PSMD6: variants seen among roughly 807,000 people sequenced by gnomAD.
The protein encoded by PSMD6 is 26S proteasome non-ATPase regulatory subunit 6.
Under a neutral mutation model 44.9 loss-of-function variants are expected in PSMD6, and 7 were observed. The observed-to-expected ratio is 0.16, with a 90% CI of 0.09 to 0.29. The LOEUF is 0.29. Among genes scored for constraint, PSMD6 ranks in the 10% least tolerant of loss-of-function variants. PSMD6 has a pLI of 1.00. For missense variants in PSMD6, 420 were observed against 482.6 expected (o/e 0.87, Z 1.21); for synonymous variants, 184 against 172.7 (o/e 1.07, Z -0.51).
At chr3:64,021,882 G>C (rs185304251) in intron 2 of PSMD6, among the ~76,000 whole-genome samples, 2 of 152,024 alleles carry the variant, frequency 1.3e-5, no homozygotes, top group Non-Finnish European at 2.9e-5. Context: ...CCTATCCCTG[G>C]GCAGGTACAG....
chr3:64,014,209 C>T (rs1237650280), intron 5 of PSMD6: 1 of 152,062 alleles, frequency 6.6e-6, no homozygotes, highest in Admixed American at 6.6e-5. Flanking sequence ...CCTTAGAAGA[C>T]AGTAAAATGT....
Position 64,018,600 on chromosome 3 carries a change from T to C in PSMD6, c.825A>G (p.Leu275=), listed in dbSNP as rs1273024451. 6 of 1,547,338 alleles carry C rather than the reference T, an allele frequency of 3.9e-6. No individual in the cohort carries two copies. The highest frequency in any genetic ancestry group is 1.4e-5 in the African/African-American group (1 of 73,220). Reference sequence around the variant, plus strand: ...CAAAAATATCAACCCTATCCTTACCTAATGATTGGAAGAAAACAGAGTAAC... The same window carrying C: ...CAAAAATATCAACCCTATCCTTACCCAATGATTGGAAGAAAACAGAGTAAC... ...ECRYSVFFQS[L]AVVEQEMKKD... Residue 275 remains leucine, a splice_region_variant and synonymous_variant, in exon 5 of 8, where the codon TTA becomes TTG. Coordinates refer to ENST00000295901, the MANE Select transcript of PSMD6 (RefSeq NM_014814.3).
At chr3:64,023,503 C>T (rs544719563), upstream of PSMD6, 155 of 1,440,480 alleles carry the variant, frequency 1.1e-4, 1 homozygote, top group African/African-American at 2.2e-3. Flanking sequence ...TCGGCGAATA[C>T]GCCCGGCCGC....
chr3:64,019,226 T>C, intron 3 of PSMD6, 70 bp downstream of exon 3: 1 of 1,501,368 alleles, frequency 6.7e-7, no homozygotes, highest in Middle Eastern at 1.8e-4. Flanking sequence ...AAACAGGCAG[T>C]TTCTTATATC....
chr3:64,022,891 G>A, intron 1 of PSMD6: 2 of 1,494,940 alleles, frequency 1.3e-6, no homozygotes, highest in Non-Finnish European at 1.8e-6. Context: ...AGAAAGAACC[G>A]AACCCAAATT....
At chr3:64,017,236 C>G (rs2076058854) in intron 5 of PSMD6, 1 of 152,122 alleles carries the variant, frequency 6.6e-6, no homozygotes, top group African/African-American at 2.4e-5. Context: ...ATTTGCAAAA[C>G]CTTGCCAATA....
Position 64,010,928 on chromosome 3 carries a change from C to T in PSMD6, c.1023G>A (p.Gly341=), listed in dbSNP as rs140256466. Reference sequence around the variant, plus strand: ...CTTTATCTATTTTGCAGTGTAGTCTCCCGGCAGCAATAAACCTGGACAGTT... The same window carrying T: ...CTTTATCTATTTTGCAGTGTAGTCTTCCGGCAGCAATAAACCTGGACAGTT... ...DQELSRFIAA[G]RLHCKIDKVN... Residue 341 remains glycine (G), a synonymous_variant, in exon 7 of 8, where the codon GGG becomes GGA. Coordinates refer to ENST00000295901, the MANE Select transcript of PSMD6 (RefSeq NM_014814.3). 87 of 1,609,362 alleles carry T rather than the reference C, an allele frequency of 5.4e-5. No homozygotes were observed. The highest frequency in any genetic ancestry group is 1.7e-4 in the Middle Eastern group (1 of 6,056).
At position 64,023,330 on chromosome 3, in the gene PSMD6, C is replaced by T; in HGVS notation, c.90G>A (p.Glu30=). 1 of 1,604,318 alleles carries T rather than the reference C, an allele frequency of 6.2e-7. No homozygotes were observed. The highest frequency in any genetic ancestry group is 8.5e-7 in the Non-Finnish European group (1 of 1,175,778). ...CGCGCACGGCAGCGTCTCCGCGGTGCTCGGGCAGGCTGAGCAGGAAGCGCA... is the reference window on the plus strand; with the variant it reads ...CGCGCACGGCAGCGTCTCCGCGGTGTTCGGGCAGGCTGAGCAGGAAGCGCA... ...AQLRFLLSLP[E]HRGDAAVRDE... Residue 30 remains glutamate (E), a synonymous_variant, in exon 1 of 8, where the codon GAG becomes GAA. Transcript: ENST00000295901.
At chr3:64,014,101 A>ATAGTC (rs1270795548) in intron 5 of PSMD6, 1 of 152,432 alleles carries the variant, frequency 6.6e-6, no homozygotes, top group Non-Finnish European at 1.5e-5. Flanking sequence ...GTTCACGTAA[A>ATAGTC]TAGTCTACGT....
chr3:64,013,559 T>C lies in PSMD6; in HGVS notation c.875A>G (p.Tyr292Cys), dbSNP rs781070196. 6.2e-7 allele frequency: 1 copy of C among 1,612,458 alleles called. No individual in the cohort carries two copies. Among genetic ancestry groups the C allele is most frequent in the Non-Finnish European group, 8.5e-7 (1 of 1,179,454 alleles). Residue 292 changes from tyrosine to cysteine, a missense_variant, in exon 6 of 8, where the codon TAT becomes TGT. Transcript: ENST00000295901. ...MKKDWLFAPH[Y>C]RYYVREMRIH... ...TCTCATTTCTCTTACATAGTATCGA[T>C]AATGAGGGGCAAAAAGCCAGTCCTT...
chr3:64,016,168 C>CA (rs1419815884), intron 5 of PSMD6: 3 of 151,978 alleles, frequency 2.0e-5, no homozygotes, highest in African/African-American at 7.3e-5. Context: ...GCCTGGGCGA[C>CA]AGAGTGAGAC....
rs2075926945 is a variant in PSMD6, at chr3:64,010,859, T to G, written c.1073+19A>C. 1.9e-6 allele frequency: 3 copies of G among 1,593,374 alleles called. No homozygotes were observed. The highest frequency in any genetic ancestry group is 2.6e-6 in the Non-Finnish European group (3 of 1,163,650). ...TTTTAAAATTTAGGAATGCCCCTTA[T>G]TCTGAGAAATGAGAGTACCTGTTGG... On this transcript the variant is annotated intron_variant, in intron 7 of 7. Coordinates refer to ENST00000295901, the MANE Select transcript of PSMD6 (RefSeq NM_014814.3).
chr3:64,022,556 G>T, intron 1 of PSMD6, 33 bp from the exon 2 acceptor site: 1 of 1,610,774 alleles, frequency 6.2e-7, no homozygotes. Context: ...TGTGAGTGGG[G>T]ACACTTGTGC....
At chr3:64,013,748 T>A (rs2075999248) in intron 5 of PSMD6, 141 bp from the exon 6 acceptor site, 1 of 708,110 alleles carries the variant, frequency 1.4e-6, no homozygotes, top group Non-Finnish European at 2.1e-6. Flanking sequence ...CATCATGTCA[T>A]CAACAATGGC....
intron 5 of PSMD6, chr3:64,016,526 T>C (rs1344872854): frequency 2.0e-5 from 3 of 151,306 alleles, no homozygotes; most frequent in East Asian, 3.9e-4. Context: ...TAGGAAATTA[T>C]CACAAAACAG....
At chr3:64,023,927 C>G, upstream of PSMD6, 1 of 1,104,876 alleles carries the variant, frequency 9.1e-7, no homozygotes, top group Non-Finnish European at 1.3e-6. Context: ...GGGAAACAGA[C>G]CAACCAAGGT....
chr3:64,023,664 G>A (rs959135778), upstream of PSMD6: 2 of 1,468,326 alleles, frequency 1.4e-6, no homozygotes, highest in Non-Finnish European at 1.8e-6. Context: ...CAGAGTGGGT[G>A]CAGCCCAACT....
intron 2 of PSMD6, 153 bp from the exon 3 acceptor site, chr3:64,019,594 G>C: frequency 1.4e-6 from 1 of 720,038 alleles, no homozygotes; most frequent in South Asian, 2.2e-5. Context: ...GAAGCTGGGT[G>C]ATAAGTACAC....
chr3:64,021,607 G>A (rs940071578), intron 2 of PSMD6, among the ~76,000 whole-genome samples: 13 of 152,210 alleles, frequency 8.5e-5, no homozygotes, highest in East Asian at 1.9e-4. Context: ...TCAGGAGTTC[G>A]AGACTAGCCT....
Sources: gnomAD v4.1 joint callset for allele counts (sites outside exome capture counted in the v4.1 genomes callset) on GRCh38, gnomAD v4.1.1 for gene constraint, MANE v1.5 for transcripts, NCBI Gene and HGNC (gene_info 2026-07-23, HGNC 2026-07-21) for gene names.